Variants in DAP3 observed in about 807,000 individuals in gnomAD.
The protein encoded by DAP3 is death associated protein 3.
Under a neutral mutation model 51.9 loss-of-function variants are expected in DAP3, and 28 were observed. The ratio of observed to expected loss-of-function variants is 0.54; its 90% confidence interval spans 0.40 to 0.74. The LOEUF is 0.74. Ranked by LOEUF, DAP3 falls within the 30% of genes least tolerant of loss-of-function variation. DAP3 has a pLI of 0.00. For synonymous variants in DAP3, 170 were observed against 170.3 expected, an observed-to-expected ratio of 1.00 and a Z score of 0.01; for missense variants, 458 against 483.5, an observed-to-expected ratio of 0.95 and a Z score of 0.49.
intron 6 of DAP3, 129 bp downstream of exon 6, chr1:155,726,148 T>C (rs1459784466): frequency 2.5e-6 from 2 of 796,292 alleles, no homozygotes; most frequent in Non-Finnish European, 3.8e-6. Flanking sequence ...AGTTTCGCTC[T>C]TGTCGGCCAG....
intron 1 of DAP3, among the ~76,000 whole-genome samples, chr1:155,700,112 T>C (rs1654993107): frequency 6.6e-6 from 1 of 152,192 alleles, no homozygotes; most frequent in Non-Finnish European, 1.5e-5. Flanking sequence ...AATTTTGGTA[T>C]TTTTGGTAGA....
intron 1 of DAP3, among the ~76,000 whole-genome samples, chr1:155,702,692 C>T (rs542611453): frequency 1.1e-4 from 17 of 152,048 alleles, no homozygotes; most frequent in South Asian, 1.0e-3. Context: ...TTGACCAGGC[C>T]GGGCACGATG....
At chr1:155,697,278 G>C (rs1654651412) in intron 1 of DAP3, among the ~76,000 whole-genome samples, 1 of 152,092 alleles carries the variant, frequency 6.6e-6, no homozygotes, top group African/African-American at 2.4e-5. Context: ...CTGAGGAGGA[G>C]GTGGCCATTC....
At chr1:155,711,090 C>A (rs1258811886) in intron 2 of DAP3, among the ~76,000 whole-genome samples, 1 of 151,880 alleles carries the variant, frequency 6.6e-6, no homozygotes, top group Non-Finnish European at 1.5e-5. Context: ...TCCCTCAGGC[C>A]TATATATTAA....
At chr1:155,727,553 C>T (rs1162254101) in intron 6 of DAP3, 55 bp from the exon 7 acceptor site, 48 of 1,571,702 alleles carry the variant, frequency 3.1e-5, no homozygotes, top group Middle Eastern at 3.9e-4. Flanking sequence ...TAGAATATTT[C>T]GAGTTGAATA....
rs187213222 is a variant in DAP3 at position 155,705,278 on chromosome 1, C to G, written c.-7-4495C>G. The stretch of plus-strand genomic sequence containing the variant: ...TCCAGCTTGGATGACAGAGCAAGAC[C>G]CTGTCTCAAGAAAAATAACAAATGT... On this transcript the variant is annotated intron_variant, in intron 1 of 12. Transcript: ENST00000368336. Among the ~76,000 whole-genome samples the G allele has an allele frequency of 3.6e-4, 55 of 151,566 alleles. 1 individual carries two copies. Among genetic ancestry groups the G allele is most frequent in the Admixed American group, 1.8e-3 (28 of 15,180 alleles).
chr1:155,700,251 G>T (rs1342960946), intron 1 of DAP3, among the ~76,000 whole-genome samples: 1 of 152,186 alleles, frequency 6.6e-6, no homozygotes, highest in Non-Finnish European at 1.5e-5. Flanking sequence ...TGACTTTATT[G>T]TTAAGTTGTA....
chr1:155,689,233 A>C, intron 1 of DAP3, 59 bp downstream of exon 1: 1 of 688,512 alleles, frequency 1.5e-6, no homozygotes. Flanking sequence ...GGGACTCCGG[A>C]CCTCCAGGAG....
In DAP3 at chr1:155,721,410, A is replaced by G. The variant is rs1481122744; in HGVS notation, c.169-107A>G. On this transcript the variant is annotated intron_variant, in intron 3 of 12. Coordinates refer to ENST00000368336, the MANE Select transcript of DAP3 (RefSeq NM_004632.4). ...TATATATGTATGTATGTATATATATATATATATACACATAGACATACATAT... is the reference window on the plus strand; with the variant it reads ...TATATATGTATGTATGTATATATATGTATATATACACATAGACATACATAT... 5.6e-6 allele frequency: 3 copies of G among 540,154 alleles called. No individual in the cohort carries two copies. In the African/African-American group the frequency reaches 5.6e-5, roughly 10 times the overall value. 33.5% of individuals were successfully genotyped at this position (540,154 alleles called of 1,614,324 possible). A position where few individuals can be genotyped will look rare whatever the true frequency, so the allele number is the denominator to read the frequency against.
intron 9 of DAP3, among the ~76,000 whole-genome samples, chr1:155,730,575 C>T (rs1659137130): frequency 1.3e-5 from 2 of 151,844 alleles, no homozygotes; most frequent in Admixed American, 6.6e-5. Flanking sequence ...GAGATCGTGC[C>T]ACTGCATTCC....
At chr1:155,726,206 C>T in intron 6 of DAP3, 187 bp downstream of exon 6, 1 of 418,956 alleles carries the variant, frequency 2.4e-6, no homozygotes, top group Non-Finnish European at 4.2e-6. Context: ...CTCCGCCTCC[C>T]AGGCTCAAGA....
At chr1:155,729,857 C>A (rs541384657) in intron 9 of DAP3, among the ~76,000 whole-genome samples, 2 of 151,636 alleles carry the variant, frequency 1.3e-5, no homozygotes, top group African/African-American at 4.8e-5. Flanking sequence ...CTGAGGCGGG[C>A]GGATCACCTG....
chr1:155,720,556 G>A (rs1361959611), intron 3 of DAP3, among the ~76,000 whole-genome samples: 2 of 151,776 alleles, frequency 1.3e-5, no homozygotes, highest in Admixed American at 6.6e-5. Context: ...GGTGAGGCAG[G>A]AGAATTGGTT....
intron 9 of DAP3, among the ~76,000 whole-genome samples, chr1:155,730,712 T>G (rs1443540478): frequency 6.6e-6 from 1 of 152,002 alleles, no homozygotes; most frequent in Non-Finnish European, 1.5e-5. Context: ...TAAGGGAGTA[T>G]GTTGTGGAAA....
intron 2 of DAP3, chr1:155,710,641 TA>T (rs1656582574): frequency 6.6e-6 from 1 of 152,244 alleles, no homozygotes; most frequent in African/African-American, 2.4e-5. Flanking sequence ...CTAAGTGATT[TA>T]TTTTTTTAAT....
intron 2 of DAP3, among the ~76,000 whole-genome samples, chr1:155,713,460 C>T (rs554978084): frequency 5.9e-5 from 9 of 152,258 alleles, no homozygotes; most frequent in Non-Finnish European, 7.4e-5. Context: ...CACTAAGTTT[C>T]CTATAGAGCA....
chr1:155,713,747 C>G (rs1656996149), intron 2 of DAP3, among the ~76,000 whole-genome samples: 1 of 152,186 alleles, frequency 6.6e-6, no homozygotes, highest in East Asian at 1.9e-4. Context: ...CAAAATTACT[C>G]AGCTTCCCTG....
intron 1 of DAP3, among the ~76,000 whole-genome samples, chr1:155,702,800 C>G (rs925179848): frequency 2.6e-5 from 4 of 152,022 alleles, no homozygotes; most frequent in African/African-American, 4.8e-5. Context: ...GAAACTCCGT[C>G]TTTACTAAAA....
Position 155,729,070 on chromosome 1 carries a change from A to G in DAP3, c.632A>G (p.Asn211Ser). 6.2e-7 allele frequency: 1 copy of G among 1,614,080 alleles called. No individual in the cohort carries two copies. Among genetic ancestry groups the G allele is most frequent in the African/African-American group, 1.3e-5 (1 of 75,018 alleles). The change falls in exon 8 of 13, where the codon AAT becomes AGT. Residue 211 changes from asparagine to serine, a missense_variant. By Grantham distance (46) the Asn-to-Ser change is conservative. Coordinates refer to ENST00000368336, the MANE Select transcript of DAP3 (RefSeq NM_004632.4). The stretch of plus-strand genomic sequence containing the variant: ...AAAGTTCAAGAGAAGTATGTCTGGA[A>G]TAAGAGAGAAAGCACTGAGAAAGGG... ...QIKVQEKYVW[N>S]KRESTEKGSP...
Sources: allele counts gnomAD v4.1 joint callset (sites outside exome capture counted in the v4.1 genomes callset), GRCh38; gene constraint gnomAD v4.1.1; transcripts MANE v1.5; gene names NCBI Gene and HGNC (gene_info 2026-07-23, HGNC 2026-07-21).